Variants in FGA observed in about 807,000 individuals in gnomAD.
FGA encodes the protein fibrinogen, A alpha polypeptide.
In FGA, 20 loss-of-function variants were observed where a neutral mutation model predicts 20.3. That is an observed-to-expected ratio of 0.99 (90% CI 0.69 to 1.43). The LOEUF is 1.43. Ranked by LOEUF, FGA falls within the 40% of genes most tolerant of loss-of-function variation. The pLI, the probability that FGA is intolerant of heterozygous loss-of-function variation, is 0.00. For synonymous variants in FGA, 306 were observed against 281.6 expected (o/e 1.09, Z -0.87); for missense variants, 777 against 784.7 (o/e 0.99, Z 0.12).
Position 154,585,932 on chromosome 4 carries a change from T to C in FGA, c.1497A>G (p.Thr499=), listed in dbSNP as rs747068833. 1.9e-6 allele frequency: 3 copies of C among 1,614,110 alleles called. No homozygotes were observed. Among genetic ancestry groups the C allele is most frequent in the Admixed American group, 3.3e-5 (2 of 60,022 alleles). ...CATCCAGAGTACCTATGCCAGACAA[T>C]GTGCCTAAATCCATTGCCTCGGGAC... is the stretch of plus-strand genomic sequence containing the variant. The part of the protein sequence containing the change: ...SDCPEAMDLG[T]LSGIGTLDGF... The change falls in exon 5 of 5, where the codon ACA becomes ACG. Residue 499 remains threonine (T), a synonymous_variant. Coordinates refer to ENST00000403106, the MANE Select transcript of FGA (RefSeq NM_021871.4).
intron 3 of FGA, 117 bp downstream of exon 3, chr4:154,588,676 G>C: frequency 1.2e-6 from 1 of 805,142 alleles, no homozygotes. Context: ...GAAGGTATGT[G>C]TTTCTACACT....
downstream of FGA, chr4:154,584,845 AT>A (rs1163889657): frequency 6.3e-7 from 1 of 1,580,728 alleles, no homozygotes; most frequent in Non-Finnish European, 8.7e-7. Flanking sequence ...TAAAAAAAAA[AT>A]TAAGCTGGTT....
intron 4 of FGA, 150 bp from the exon 5 acceptor site, chr4:154,587,068 C>T: frequency 1.3e-6 from 1 of 780,162 alleles, no homozygotes; most frequent in East Asian, 2.7e-5. Context: ...CTGTTTTCTG[C>T]CTATCGAGCA....
At position 154,586,693 on chromosome 4, in the gene FGA, G is replaced by A. The variant is rs748480404; in HGVS notation, c.736C>T (p.Pro246Ser). The A allele has an allele frequency of 1.9e-5, 31 of 1,614,054 alleles. No individual in the cohort carries two copies. Among genetic ancestry groups the A allele is most frequent in the Non-Finnish European group, 2.4e-5 (28 of 1,180,038 alleles). Reference sequence around the variant, plus strand: ...ATGTCTGTTAATGCCTTCCACTCTGGGGGTACCTTCTGAAGCTGGCTCTTA... The same window carrying A: ...ATGTCTGTTAATGCCTTCCACTCTGAGGGTACCTTCTGAAGCTGGCTCTTA... ...NFKSQLQKVP[P>S]EWKALTDMPQ... The change falls in exon 5 of 5, where the codon CCA becomes TCA. Residue 246 changes from proline to serine, a missense_variant. Coordinates refer to ENST00000403106, the MANE Select transcript of FGA (RefSeq NM_021871.4).
At chr4:154,590,482 G>T in intron 1 of FGA, 152 bp downstream of exon 1, 1 of 707,480 alleles carries the variant, frequency 1.4e-6, no homozygotes, top group Non-Finnish European at 2.6e-6. Context: ...TATTCTTGAG[G>T]TGTCAAGCCC....
rs1001118296 is a variant in FGA, at chr4:154,590,742, T to A, written c.-55A>T. 32 of 1,315,128 alleles carry A rather than the reference T, an allele frequency of 2.4e-5. No individual in the cohort carries two copies. Among genetic ancestry groups the A allele is most frequent in the Non-Finnish European group, 3.0e-5 (28 of 931,276 alleles). 81.5% of individuals were successfully genotyped at this position (1,315,128 alleles called of 1,614,324 possible). A position where few individuals can be genotyped will look rare whatever the true frequency, so the allele number is the denominator to read the frequency against. On this transcript the variant is annotated 5_prime_UTR_variant, in exon 1 of 5. Transcript: ENST00000403106. Reference sequence around the variant, plus strand: ...GAGCACTCCAGCTGAAAGAAAGGATTGCTGCCACTCCTAGTTCCCATCCTA... The same window carrying A: ...GAGCACTCCAGCTGAAAGAAAGGATAGCTGCCACTCCTAGTTCCCATCCTA...
intron 4 of FGA, 135 bp downstream of exon 4, chr4:154,587,377 A>T: frequency 1.1e-6 from 1 of 874,316 alleles, no homozygotes. Context: ...AGTGAGGAAA[A>T]TAATACCTAC....
Position 154,587,589 on chromosome 4 carries a change from CTT to C in FGA, c.431_432del (p.Lys144SerfsTer16), listed in dbSNP as rs934668242. The C allele has an allele frequency of 2.5e-6, 4 of 1,613,812 alleles. No homozygotes were observed. In the African/African-American group the frequency reaches 5.3e-5, roughly 22 times the overall value. ...TGGATATGCTGTACTTTTTCTATGA[CTT>C]TGCGCTTCAGGACTTCAATTCTGCT... is the stretch of plus-strand genomic sequence containing the variant. ...LRSRIEVLKRKVIEKVQHIQL... is the reference protein window; with the variant it reads ...LRSRIEVLKRXVIEKVQHIQL... On this transcript the variant is annotated frameshift_variant, in exon 4 of 5. Coordinates refer to ENST00000403106, the MANE Select transcript of FGA (RefSeq NM_021871.4). LOFTEE classifies it high-confidence loss of function.
rs551717426 is a variant in FGA, at chr4:154,587,764, A to G, written c.365-107T>C. 17 of 652,250 alleles carry G rather than the reference A, an allele frequency of 2.6e-5. No homozygotes were observed. In the African/African-American group the frequency reaches 3.0e-4, roughly 12 times the overall value. 40.4% of individuals were successfully genotyped at this position (652,250 alleles called of 1,614,324 possible). ...AGGAAGGAGAAAGAAAGAAAGAAAG[A>G]AAGAAAGAAAGAAAGAAAGAAAGAA... is the stretch of plus-strand genomic sequence containing the variant. On this transcript the variant is annotated intron_variant, in intron 3 of 4. Coordinates refer to ENST00000403106, the MANE Select transcript of FGA (RefSeq NM_021871.4).
Position 154,586,294 on chromosome 4 carries a change from C to G in FGA, c.1135G>C (p.Val379Leu), listed in dbSNP as rs927095063. The G allele has an allele frequency of 1.2e-6, 2 of 1,614,092 alleles. No homozygotes were observed. The highest frequency in any genetic ancestry group is 2.7e-5 in the African/African-American group (2 of 74,940). The change falls in exon 5 of 5, where the codon GTA becomes CTA. Residue 379 changes from valine to leucine, a missense_variant. Coordinates refer to ENST00000403106, the MANE Select transcript of FGA (RefSeq NM_021871.4). ...TGCCATTGTCCAGTACTACCAGATA[C>G]AGAGCTCTCAGAGGTCCAGTGCCCA... ...SAGHWTSESS[V>L]SGSTGQWHSE...
downstream of FGA, chr4:154,584,608 T>G (rs904385780): frequency 5.6e-6 from 9 of 1,614,132 alleles, no homozygotes; most frequent in Non-Finnish European, 7.6e-6. Context: ...TAGCCAGAAT[T>G]CTCCTTCCCC....
rs2070018 is a variant in FGA, at chr4:154,587,475, G to A, written c.510+37C>T. On this transcript the variant is annotated intron_variant, in intron 4 of 4. Coordinates refer to ENST00000403106, the MANE Select transcript of FGA (RefSeq NM_021871.4). ...ATCGCCTTCCTTTTCCCTCTACTCAGAAACAAGGACATCTGGGACCACAGC... is the reference window on the plus strand; with the variant it reads ...ATCGCCTTCCTTTTCCCTCTACTCAAAAACAAGGACATCTGGGACCACAGC... 0.88 allele frequency: 1,405,511 copies of A among 1,605,114 alleles called. 615,912 individuals are homozygous for A. Among genetic ancestry groups the A allele is most frequent in the East Asian group, 0.96 (43,131 of 44,804 alleles).
At chr4:154,584,575 A>G (rs764795081), downstream of FGA, 1 of 1,614,194 alleles carries the variant, frequency 6.2e-7, no homozygotes. Flanking sequence ...CCTTTGGGTT[A>G]GTAAGTGGAG....
At chr4:154,584,772 C>T (rs776091501), downstream of FGA, 1 of 1,614,022 alleles carries the variant, frequency 6.2e-7, no homozygotes, top group Non-Finnish European at 8.5e-7. Flanking sequence ...ATCCCGGTAG[C>T]TTGATATTGA....
Position 154,586,732 on chromosome 4 carries a change from C to A in FGA, c.697G>T (p.Val233Phe), listed in dbSNP as rs757157004. ...AGCTGGCTCTTAAAATTTCCGGGAA[C>A]CAAGTCTGGAACTGGTTTCATTTTT... ...LIKMKPVPDL[V>F]PGNFKSQLQK... Residue 233 changes from valine to phenylalanine, a missense_variant, in exon 5 of 5, where the codon GTT becomes TTT. Coordinates refer to ENST00000403106, the MANE Select transcript of FGA (RefSeq NM_021871.4). The A allele has an allele frequency of 6.2e-7, 1 of 1,614,188 alleles. No homozygotes were observed.
rs777680271 is a variant in FGA, at chr4:154,585,475, C to G, written c.*19G>C. The G allele has an allele frequency of 1.4e-6, 2 of 1,479,606 alleles. No homozygotes were observed. Among genetic ancestry groups the G allele is most frequent in the Admixed American group, 3.3e-5 (2 of 59,712 alleles). 91.7% of individuals were successfully genotyped at this position (1,479,606 alleles called of 1,614,324 possible). Reference sequence around the variant, plus strand: ...TGCAAGGGGCCATGGGAACACTGTGCAGAAATATTTAACTTAGTCTAGGGG... The same window carrying G: ...TGCAAGGGGCCATGGGAACACTGTGGAGAAATATTTAACTTAGTCTAGGGG... On this transcript the variant is annotated 3_prime_UTR_variant, in exon 5 of 5. Coordinates refer to ENST00000403106, the MANE Select transcript of FGA (RefSeq NM_021871.4).
rs1560825318 is a variant in FGA, at chr4:154,586,325, TC to T, written c.1103del (p.Gly368GlufsTer53). On this transcript the variant is annotated frameshift_variant, in exon 5 of 5. Transcript: ENST00000403106. LOFTEE classifies it low-confidence loss of function (END_TRUNC). ...GTWNPGSSER[G>X]SAGHWTSESS... ...TCTCAGAGGTCCAGTGCCCAGCACTTCCGCGTTCAGAGCTGCCAGGATTCCA... is the reference window on the plus strand; with the variant it reads ...TCTCAGAGGTCCAGTGCCCAGCACTTCGCGTTCAGAGCTGCCAGGATTCCA... The T allele has an allele frequency of 6.2e-7, 1 of 1,614,170 alleles. No homozygotes were observed. The highest frequency in any genetic ancestry group is 1.7e-5 in the Admixed American group (1 of 60,008).
Position 154,586,483 on chromosome 4 carries a change from CA to C in FGA, c.945del (p.Gly316GlufsTer105), listed in dbSNP as rs1214070111. On this transcript the variant is annotated frameshift_variant, in exon 5 of 5. Coordinates refer to ENST00000403106, the MANE Select transcript of FGA (RefSeq NM_021871.4). LOFTEE classifies it low-confidence loss of function (END_TRUNC). ...CCAGGTTTCCAGGTTGCAGTCCCTC[CA>C]GTCCCAGAGCTCCCAGGGTTTCGGT... ...TGNRNPGSSG[T>X]GGTATWKPGS... 1.2e-6 allele frequency: 2 copies of C among 1,613,858 alleles called. No homozygotes were observed. Among genetic ancestry groups the C allele is most frequent in the Non-Finnish European group, 1.7e-6 (2 of 1,179,860 alleles).
intron 1 of FGA, among the ~76,000 whole-genome samples, chr4:154,590,357 T>TAAAAC (rs1010244517): frequency 6.6e-6 from 1 of 152,222 alleles, no homozygotes; most frequent in African/African-American, 2.4e-5. Flanking sequence ...TTGCCCTTTT[T>TAAAAC]AAAACAAAAC....
Sources: gnomAD v4.1 joint callset for allele counts (sites outside exome capture counted in the v4.1 genomes callset) on GRCh38, gnomAD v4.1.1 for gene constraint, MANE v1.5 for transcripts, NCBI Gene and HGNC (gene_info 2026-07-23, HGNC 2026-07-21) for gene names.